Variants in AGFG1 observed in about 807,000 individuals in gnomAD.
AGFG1 encodes ArfGAP with FG repeats 1.
AGFG1 carries 10 observed loss-of-function variants against 60.6 expected under a neutral mutation model. That is an observed-to-expected ratio of 0.16 (90% CI 0.10 to 0.28). The LOEUF (loss-of-function observed/expected upper bound fraction) is 0.28. Among genes scored for constraint, AGFG1 ranks in the 10% least tolerant of loss-of-function variants. The pLI is 1.00. For synonymous variants in AGFG1, 247 were observed against 242.9 expected, an observed-to-expected ratio of 1.02 and a Z score of -0.16; for missense variants, 537 against 676.5, an observed-to-expected ratio of 0.79 and a Z score of 2.29.
chr2:227,493,407 A>G (rs1489061871), intron 2 of AGFG1, among the ~76,000 whole-genome samples: 2 of 152,192 alleles, frequency 1.3e-5, no homozygotes, highest in Non-Finnish European at 2.9e-5. Flanking sequence ...GGAATTACAC[A>G]ATATTTGTAC....
In AGFG1 at chr2:227,561,023, T is replaced by C. The variant is rs1414368521; in HGVS notation, c.*6528T>C. 6.6e-6 allele frequency: 1 copy of C among 152,166 alleles called. No homozygotes were observed. Among genetic ancestry groups the C allele is most frequent in the African/African-American group, 2.4e-5 (1 of 41,472 alleles). 9.4% of individuals were successfully genotyped at this position (152,166 alleles called of 1,614,324 possible). On this transcript the variant is annotated 3_prime_UTR_variant, in exon 13 of 13. Transcript: ENST00000310078. Reference sequence around the variant, plus strand: ...GCAGGGCATGTTTGGAAAATGTTAATACGCCATGATTTTTGAAGACCAATT... The same window carrying C: ...GCAGGGCATGTTTGGAAAATGTTAACACGCCATGATTTTTGAAGACCAATT...
chr2:227,542,374 C>T (rs1003112457), intron 10 of AGFG1, among the ~76,000 whole-genome samples: 10 of 152,064 alleles, frequency 6.6e-5, no homozygotes, highest in African/African-American at 2.4e-4. Flanking sequence ...GCATGAAGGG[C>T]TGTTGAATTT....
At chr2:227,536,523 C>A in intron 8 of AGFG1, 102 bp from the exon 9 acceptor site, 2 of 855,544 alleles carry the variant, frequency 2.3e-6, no homozygotes, top group Non-Finnish European at 3.8e-6. Context: ...GATACTGATG[C>A]TGTGATACAC....
intron 2 of AGFG1, among the ~76,000 whole-genome samples, chr2:227,516,644 T>G (rs1410503728): frequency 6.6e-6 from 1 of 152,166 alleles, no homozygotes; most frequent in African/African-American, 2.4e-5. Flanking sequence ...GTCAAATAGT[T>G]TATCATCAAG....
At chr2:227,483,636 A>G (rs986945984) in intron 1 of AGFG1, among the ~76,000 whole-genome samples, 2 of 152,170 alleles carry the variant, frequency 1.3e-5, no homozygotes, top group Non-Finnish European at 2.9e-5. Context: ...AATCCAAGTT[A>G]GTTGTTGTTT....
chr2:227,534,458 T>G (rs568446862), intron 7 of AGFG1, among the ~76,000 whole-genome samples: 2 of 152,316 alleles, frequency 1.3e-5, no homozygotes, highest in East Asian at 3.9e-4. Flanking sequence ...TTGTGGAGAA[T>G]GCTGGGGAAA....
chr2:227,473,629 AATGCTTTT>A (rs1319051070), intron 1 of AGFG1, among the ~76,000 whole-genome samples: 1 of 152,228 alleles, frequency 6.6e-6, no homozygotes, highest in African/African-American at 2.4e-5. Flanking sequence ...GAATTGATAA[AATGCTTTT>A]ATATTATTAT....
At chr2:227,516,814 A>G (rs1485988831) in intron 2 of AGFG1, among the ~76,000 whole-genome samples, 1 of 152,186 alleles carries the variant, frequency 6.6e-6, no homozygotes, top group Non-Finnish European at 1.5e-5. Flanking sequence ...AGGTTTTGGA[A>G]TATAGTAAAG....
intron 6 of AGFG1, chr2:227,532,249 T>C (rs1415388028): frequency 6.8e-7 from 1 of 1,460,572 alleles, no homozygotes; most frequent in South Asian, 1.3e-5. Context: ...TACTAATTTG[T>C]ATATTTTTGC....
At chr2:227,543,586 A>G (rs1034920133) in intron 10 of AGFG1, among the ~76,000 whole-genome samples, 9 of 152,294 alleles carry the variant, frequency 5.9e-5, no homozygotes, top group African/African-American at 1.9e-4. Context: ...TATGTGGTCA[A>G]TTTTGGAATA....
chr2:227,484,688 G>GTT (rs745570416), intron 1 of AGFG1, among the ~76,000 whole-genome samples: 8 of 25,112 alleles, frequency 3.2e-4, no homozygotes, highest in African/African-American at 5.6e-4. Flanking sequence ...TTTTTTTTTT[G>GTT]TTTTTTTTTT....
At chr2:227,535,276 G>A (rs978673411) in intron 8 of AGFG1, among the ~76,000 whole-genome samples, 3 of 152,156 alleles carry the variant, frequency 2.0e-5, no homozygotes, top group African/African-American at 7.2e-5. Context: ...TTGAGAGCAT[G>A]TACACATCTC....
In AGFG1 at chr2:227,520,052, A is replaced by G; in HGVS notation, c.366A>G (p.Glu122=). The G allele has an allele frequency of 6.4e-7, 1 of 1,573,578 alleles. No individual in the cohort carries two copies. The highest frequency in any genetic ancestry group is 2.0e-5 in the Admixed American group (1 of 48,854). ...KVKEFLQEKY[E]KKRWYVPPEQ... is the part of the protein sequence containing the mutation. ...AAGAGTTTCTACAAGAAAAGTATGA[A>G]AAGAAAAGATGGTGAGTGAAGAGTT... Residue 122 remains glutamate, a synonymous_variant, in exon 3 of 13, where the codon GAA becomes GAG. Coordinates refer to ENST00000310078, the MANE Select transcript of AGFG1 (RefSeq NM_004504.5).
At chr2:227,492,450 T>A (rs1235233086) in intron 2 of AGFG1, among the ~76,000 whole-genome samples, 2 of 152,076 alleles carry the variant, frequency 1.3e-5, no homozygotes, top group Non-Finnish European at 2.9e-5. Context: ...TGGTTGCATC[T>A]TTGATATCCT....
At chr2:227,549,159 A>G (rs978979697) in intron 10 of AGFG1, among the ~76,000 whole-genome samples, 1 of 152,156 alleles carries the variant, frequency 6.6e-6, no homozygotes, top group Non-Finnish European at 1.5e-5. Flanking sequence ...TATTGTCTCT[A>G]TCCCTCCACC....
chr2:227,485,071 A>C (rs879483293), intron 1 of AGFG1, among the ~76,000 whole-genome samples: 2 of 151,978 alleles, frequency 1.3e-5, no homozygotes, highest in Non-Finnish European at 2.9e-5. Flanking sequence ...TTATACTTCA[A>C]ACATAGCTTT....
At chr2:227,518,085 T>A (rs1691708649) in intron 2 of AGFG1, among the ~76,000 whole-genome samples, 1 of 152,210 alleles carries the variant, frequency 6.6e-6, no homozygotes, top group Non-Finnish European at 1.5e-5. Flanking sequence ...GGGGTGCACA[T>A]GTTTCTTTCA....
chr2:227,536,575 TTC>T (rs926094270), intron 8 of AGFG1, 48 bp from the exon 9 acceptor site: 6 of 1,542,868 alleles, frequency 3.9e-6, no homozygotes, highest in Non-Finnish European at 4.5e-6. Flanking sequence ...AATCGTTACT[TTC>T]TTTTTTTTTT....
intron 10 of AGFG1, among the ~76,000 whole-genome samples, chr2:227,550,633 T>G (rs1192517365): frequency 1.3e-5 from 2 of 152,180 alleles, no homozygotes; most frequent in Admixed American, 1.3e-4. Flanking sequence ...TTCGCATCAG[T>G]AATAAAAAAG....
Sources: gnomAD v4.1 joint callset for allele counts (sites outside exome capture counted in the v4.1 genomes callset) on GRCh38, gnomAD v4.1.1 for gene constraint, MANE v1.5 for transcripts, NCBI Gene and HGNC (gene_info 2026-07-23, HGNC 2026-07-21) for gene names.